AAK1: variants seen among roughly 807,000 people sequenced by gnomAD.
AAK1 encodes AP2 associated kinase 1, also known as AP2-associated protein kinase 1.
Under a neutral mutation model 116.0 loss-of-function variants are expected in AAK1, and 37 were observed. That is an observed-to-expected ratio of 0.32 (90% confidence interval 0.25 to 0.42). The LOEUF (loss-of-function observed/expected upper bound fraction) is 0.42, where lower values mean the gene tolerates loss of function less well. Among genes scored for constraint, AAK1 ranks in the 10% least tolerant of loss-of-function variants. The pLI, the probability that AAK1 is intolerant of heterozygous loss-of-function variation, is 1.00. For missense variants in AAK1, 919 were observed against 1,170.6 expected (o/e 0.79, Z 3.14); for synonymous variants, 458 against 439.9 (o/e 1.04, Z -0.51).
intron 18 of AAK1, chr2:69,482,252 T>A (rs189144068): frequency 4.0e-6 from 1 of 250,584 alleles, no homozygotes; most frequent in Non-Finnish European, 7.6e-6. Flanking sequence ...CTCGGGAGGC[T>A]GAGGCAGGAG....
chr2:69,501,286 A>T (rs529056774), intron 16 of AAK1, among the ~76,000 whole-genome samples: 1 of 152,328 alleles, frequency 6.6e-6, no homozygotes, highest in South Asian at 2.1e-4. Context: ...TGAAACAAAA[A>T]TTTTTAACTA....
At chr2:69,507,139 ATGT>A (rs1277324044) in intron 15 of AAK1, among the ~76,000 whole-genome samples, 1 of 152,196 alleles carries the variant, frequency 6.6e-6, no homozygotes, top group Admixed American at 6.5e-5. Context: ...ATCCTGGACT[ATGT>A]CACAAACCTT....
At chr2:69,494,678 G>GT (rs1675670328) in intron 17 of AAK1, among the ~76,000 whole-genome samples, 1 of 152,108 alleles carries the variant, frequency 6.6e-6, no homozygotes, top group Non-Finnish European at 1.5e-5. Context: ...TCCAAGTACT[G>GT]CCAGGCATAC....
At position 69,475,357 on chromosome 2, in the gene AAK1, G is replaced by A; in HGVS notation, c.*512C>T. The A allele has an allele frequency of 1.0e-6, 1 of 986,994 alleles. No individual in the cohort carries two copies. 61.1% of individuals were successfully genotyped at this position (986,994 alleles called of 1,614,324 possible). On this transcript the variant is annotated 3_prime_UTR_variant, in exon 22 of 22. Coordinates refer to ENST00000409085, the MANE Select transcript of AAK1 (RefSeq NM_014911.5). ...TTCTTAAACCACACACCCATCTCCA[G>A]GCTACTGCCTAGAGTTAAGACCAAC...
intron 2 of AAK1, among the ~76,000 whole-genome samples, chr2:69,617,386 T>C (rs998156231): frequency 1.3e-5 from 2 of 152,346 alleles, no homozygotes; most frequent in East Asian, 1.9e-4. Context: ...CCTAGCTGTG[T>C]AGTTTCGGAC....
At chr2:69,578,564 C>T (rs200203265) in intron 2 of AAK1, among the ~76,000 whole-genome samples, 3 of 152,190 alleles carry the variant, frequency 2.0e-5, no homozygotes, top group African/African-American at 7.2e-5. Flanking sequence ...TCCTCCCTTT[C>T]CACCACCCCA....
intron 16 of AAK1, among the ~76,000 whole-genome samples, chr2:69,503,934 G>A (rs188200955): frequency 3.3e-5 from 5 of 151,898 alleles, no homozygotes; most frequent in Admixed American, 3.3e-4. Context: ...GGAAGGTGGA[G>A]GTTGCAGTGA....
At chr2:69,483,630 C>T (rs979283677) in intron 17 of AAK1, among the ~76,000 whole-genome samples, 1 of 152,080 alleles carries the variant, frequency 6.6e-6, no homozygotes, top group African/African-American at 2.4e-5. Context: ...TATTTAGAAA[C>T]AGTTTATAAC....
chr2:69,460,664 C>T lies in AAK1; in HGVS notation c.*15205G>A, dbSNP rs1674317435. On this transcript the variant is annotated 3_prime_UTR_variant, in exon 22 of 22. Transcript: ENST00000409085. ...AACTCAACAATAAGTGGGCCGAAAACAATATAGGGCGTATGACCTAGACTC... is the reference window on the plus strand; with the variant it reads ...AACTCAACAATAAGTGGGCCGAAAATAATATAGGGCGTATGACCTAGACTC... The T allele has an allele frequency of 6.6e-6, 1 of 152,158 alleles. No individual in the cohort carries two copies. The highest frequency in any genetic ancestry group is 6.5e-5 in the Admixed American group (1 of 15,274). 9.4% of individuals were successfully genotyped at this position (152,158 alleles called of 1,614,324 possible).
In AAK1 at chr2:69,458,470, CAG is replaced by C. The variant is rs1674265058; in HGVS notation, c.*17397_*17398del. 1.3e-5 allele frequency: 2 copies of C among 152,640 alleles called. No homozygotes were observed. Among genetic ancestry groups the C allele is most frequent in the African/African-American group, 2.4e-5 (1 of 41,432 alleles). The allele number at this position is 152,640 out of a possible 1,614,324, so 9.5% of individuals were successfully genotyped here. ...ACATGAGCCCTCAGGGTGAGCCCTA[CAG>C]AGTTTCATCCTTGTGGATAAGAAGA... On this transcript the variant is annotated 3_prime_UTR_variant, in exon 22 of 22. Coordinates refer to ENST00000409085, the MANE Select transcript of AAK1 (RefSeq NM_014911.5).
chr2:69,525,834 A>C (rs1669998638), intron 9 of AAK1, among the ~76,000 whole-genome samples: 1 of 152,006 alleles, frequency 6.6e-6, no homozygotes, highest in African/African-American at 2.4e-5. Context: ...GAATGCTTCC[A>C]CTTAGATTTC....
intron 2 of AAK1, among the ~76,000 whole-genome samples, chr2:69,567,386 G>C (rs1196261436): frequency 6.6e-6 from 1 of 152,124 alleles, no homozygotes; most frequent in East Asian, 1.9e-4. Flanking sequence ...AATACTTATA[G>C]GGTAATTCCT....
chr2:69,575,389 G>A (rs1672266821), intron 2 of AAK1, among the ~76,000 whole-genome samples: 1 of 151,444 alleles, frequency 6.6e-6, no homozygotes, highest in African/African-American at 2.4e-5. Flanking sequence ...AATCTCAGTA[G>A]TCCAGATAAA....
chr2:69,562,995 T>C (rs527853655), intron 2 of AAK1, among the ~76,000 whole-genome samples: 1 of 151,650 alleles, frequency 6.6e-6, no homozygotes, highest in Admixed American at 6.6e-5. Context: ...GCCCAGGAGG[T>C]TGAGGCTACA....
chr2:69,568,003 C>T (rs943096286), intron 2 of AAK1, among the ~76,000 whole-genome samples: 1 of 152,146 alleles, frequency 6.6e-6, no homozygotes, highest in Non-Finnish European at 1.5e-5. Flanking sequence ...CCCTCTAATC[C>T]ACCGGGGCCA....
At chr2:69,584,378 G>A (rs570223790) in intron 2 of AAK1, among the ~76,000 whole-genome samples, 11 of 152,112 alleles carry the variant, frequency 7.2e-5, no homozygotes, top group Non-Finnish European at 1.5e-4. Context: ...ATTATAATTC[G>A]CTCTTGGGAA....
Position 69,507,556 on chromosome 2 carries a change from C to T in AAK1, c.2029G>A (p.Gly677Ser), listed in dbSNP as rs769147722. ...TTTTGTTGAGAGGTCCGAGGAGAGC[C>T]TGATGGAGTGGTGGTTGCAGACCTA... ...KSKSATTTPS[G>S]SPRTSQQNVY... Residue 677 changes from glycine to serine, a missense_variant, in exon 15 of 22, where the codon GGC (glycine) becomes AGC (serine). Around this residue, in one of 4 missense-constraint regions of AAK1, gnomAD observed 125 missense variants for 184.1 expected, o/e 0.68. Coordinates refer to ENST00000409085, the MANE Select transcript of AAK1 (RefSeq NM_014911.5). 2 of 1,611,502 alleles carry T rather than the reference C, an allele frequency of 1.2e-6. No homozygotes were observed. The highest frequency in any genetic ancestry group is 1.7e-6 in the Non-Finnish European group (2 of 1,178,752).
At chr2:69,515,352 T>C (rs10186440) in intron 12 of AAK1, among the ~76,000 whole-genome samples, 96,060 of 151,998 alleles carry the variant, frequency 0.63, 30,959 homozygotes, top group East Asian at 0.79. Flanking sequence ...GATAGTGTCT[T>C]GCTGTGTTGC....
chr2:69,510,975 T>C (rs111680273), intron 13 of AAK1, among the ~76,000 whole-genome samples: 2 of 152,214 alleles, frequency 1.3e-5, no homozygotes, highest in African/African-American at 4.8e-5. Flanking sequence ...GAGAATATCC[T>C]TGTGACCACA....
Sources: allele counts gnomAD v4.1 joint callset (sites outside exome capture counted in the v4.1 genomes callset), GRCh38; gene constraint gnomAD v4.1.1; regional missense constraint gnomAD v4.1.1; transcripts MANE v1.5; gene names NCBI Gene and HGNC (gene_info 2026-07-23, HGNC 2026-07-21).